The following AGMO variants were observed in gnomAD, a reference collection of about 807,000 sequenced individuals.
AGMO encodes the protein glyceryl-ether monooxygenase.
A neutral mutation model predicts 60.2 loss-of-function variants in AGMO; 75 were observed. That is an observed-to-expected ratio of 1.25 (90% CI 1.03 to 1.51). The LOEUF is 1.51. AGMO is among the 40% of genes most tolerant of loss of function. AGMO has a pLI of 0.00. For missense variants in AGMO, 763 were observed against 525.5 expected, an observed-to-expected ratio of 1.45 and a Z score of -4.42; for synonymous variants, 261 against 177.1, an observed-to-expected ratio of 1.47 and a Z score of -3.76.
chr7:15,134,537 AG>A, the AGMO span, among the ~76,000 whole-genome samples: 1 of 152,130 alleles, frequency 6.6e-6, no homozygotes, highest in African/African-American at 2.4e-5. Context: ...CCCACTTAAA[AG>A]GCAGAACATG....
At chr7:15,216,147 A>T (rs1781730149) in intron 12 of AGMO, among the ~76,000 whole-genome samples, 1 of 152,090 alleles carries the variant, frequency 6.6e-6, no homozygotes, top group Admixed American at 6.6e-5. Flanking sequence ...ATCAGGGTCA[A>T]CACATAATAC....
the AGMO span, among the ~76,000 whole-genome samples, chr7:15,186,699 C>A: frequency 6.6e-6 from 1 of 152,056 alleles, no homozygotes; most frequent in Non-Finnish European, 1.5e-5. Context: ...CTTATATAAC[C>A]CAAAAGGTAA....
chr7:15,372,846 C>G (rs1783273721), intron 10 of AGMO, among the ~76,000 whole-genome samples: 1 of 152,148 alleles, frequency 6.6e-6, no homozygotes, highest in Non-Finnish European at 1.5e-5. Context: ...TGAAATTATT[C>G]TAAATTAGTT....
intron 12 of AGMO, among the ~76,000 whole-genome samples, chr7:15,233,508 G>A (rs1188390481): frequency 1.3e-5 from 2 of 152,104 alleles, no homozygotes; most frequent in African/African-American, 2.4e-5. Context: ...GGAATGGGGA[G>A]AGGTGGACTA....
chr7:15,312,239 T>TATAAAAATACAATTTA (rs1554410972), intron 12 of AGMO, among the ~76,000 whole-genome samples: 2 of 152,060 alleles, frequency 1.3e-5, no homozygotes, highest in Non-Finnish European at 2.9e-5. Flanking sequence ...CTAGGACTGA[T>TATAAAAATACAATTTA]ATAAAAATAC....
intron 5 of AGMO, among the ~76,000 whole-genome samples, chr7:15,412,205 A>T (rs958135885): frequency 6.6e-6 from 1 of 151,992 alleles, no homozygotes; most frequent in Non-Finnish European, 1.5e-5. Flanking sequence ...GCTCTCTTGT[A>T]CTCTGATTTC....
intron 12 of AGMO, among the ~76,000 whole-genome samples, chr7:15,340,762 G>T (rs1184927013): frequency 6.6e-6 from 1 of 152,134 alleles, no homozygotes; most frequent in Non-Finnish European, 1.5e-5. Flanking sequence ...TGTGCTGCAG[G>T]GGTGGAGCCC....
chr7:15,130,230 C>T, the AGMO span, among the ~76,000 whole-genome samples: 2 of 151,824 alleles, frequency 1.3e-5, no homozygotes, highest in African/African-American at 4.8e-5. Context: ...TATTTCAGAA[C>T]TCTTAATATT....
At chr7:15,417,692 A>G (rs990249551) in intron 5 of AGMO, among the ~76,000 whole-genome samples, 3 of 152,214 alleles carry the variant, frequency 2.0e-5, no homozygotes, top group Admixed American at 6.5e-5. Context: ...CAGTCTCTTT[A>G]TTCCAAGTAA....
At chr7:15,521,880 T>A (rs747505377) in intron 3 of AGMO, among the ~76,000 whole-genome samples, 1 of 152,136 alleles carries the variant, frequency 6.6e-6, no homozygotes, top group Non-Finnish European at 1.5e-5. Flanking sequence ...ATAAAGGGTA[T>A]TCAAATAGGA....
chr7:15,253,748 T>C (rs114894322), intron 12 of AGMO, among the ~76,000 whole-genome samples: 2,272 of 152,256 alleles, frequency 0.015, 59 homozygotes, highest in African/African-American at 0.053. Flanking sequence ...CAATCCGTTA[T>C]TGTTAGCTAT....
Position 15,201,232 on chromosome 7 carries a change from T to C in AGMO, c.*53A>G, listed in dbSNP as rs1781271224. The stretch of plus-strand genomic sequence containing the variant: ...ATAATTACATTTTAATATGCAGTCA[T>C]AATATGCGTGTGGACAACTCATTAA... On this transcript the variant is annotated 3_prime_UTR_variant, in exon 13 of 13. Transcript: ENST00000342526. 1.3e-5 allele frequency: 16 copies of C among 1,210,408 alleles called. No homozygotes were observed. In the South Asian group the frequency reaches 2.3e-4, roughly 17 times the overall value. 75.0% of individuals were successfully genotyped at this position (1,210,408 alleles called of 1,614,324 possible).
chr7:15,473,478 A>G (rs1782510475), intron 3 of AGMO, among the ~76,000 whole-genome samples: 1 of 151,894 alleles, frequency 6.6e-6, no homozygotes, highest in Admixed American at 6.6e-5. Context: ...TCCCTGCTGA[A>G]CATCAATGTG....
At chr7:15,191,358 C>T in the AGMO span, among the ~76,000 whole-genome samples, 1 of 152,230 alleles carries the variant, frequency 6.6e-6, no homozygotes, top group South Asian at 2.1e-4. Flanking sequence ...TGCACATAAT[C>T]CCCCTAGGAA....
intron 10 of AGMO, among the ~76,000 whole-genome samples, chr7:15,368,933 G>A (rs1390550456): frequency 2.0e-5 from 3 of 151,998 alleles, no homozygotes; most frequent in Non-Finnish European, 4.4e-5. Context: ...CTGGTGAACG[G>A]GCAACTGAAA....
chr7:15,521,720 G>A (rs1583641310), intron 3 of AGMO, among the ~76,000 whole-genome samples: 1 of 152,240 alleles, frequency 6.6e-6, no homozygotes, highest in Non-Finnish European at 1.5e-5. Flanking sequence ...AGCTATTTAT[G>A]ACAAACCCAC....
At chr7:15,376,081 C>G (rs1264889842) in intron 10 of AGMO, among the ~76,000 whole-genome samples, 2 of 152,118 alleles carry the variant, frequency 1.3e-5, no homozygotes, top group East Asian at 3.9e-4. Flanking sequence ...GTAGTCTATG[C>G]TTACTTGAAA....
chr7:15,225,331 ATCC>A (rs2128498007), intron 12 of AGMO, among the ~76,000 whole-genome samples: 1 of 152,154 alleles, frequency 6.6e-6, no homozygotes, highest in East Asian at 1.9e-4. Flanking sequence ...CTGTAAAAAT[ATCC>A]TTCAGTTAAT....
chr7:15,465,243 C>T (rs1782249947), intron 3 of AGMO, among the ~76,000 whole-genome samples: 1 of 151,792 alleles, frequency 6.6e-6, no homozygotes, highest in Non-Finnish European at 1.5e-5. Context: ...CATGCCACTC[C>T]CTCTCTTCTC....
Sources: allele counts gnomAD v4.1 joint callset (sites outside exome capture counted in the v4.1 genomes callset), GRCh38; gene constraint gnomAD v4.1.1; transcripts MANE v1.5; gene names NCBI Gene and HGNC (gene_info 2026-07-23, HGNC 2026-07-21).